MTMR10: variants seen among roughly 807,000 people sequenced by gnomAD.
MTMR10 encodes the protein myotubularin related protein 10.
Under a neutral mutation model 88.1 loss-of-function variants are expected in MTMR10, and 56 were observed. The observed-to-expected ratio is 0.64, with a 90% CI of 0.51 to 0.79. MTMR10 has a LOEUF of 0.79. Among genes scored for constraint, MTMR10 ranks in the 30% least tolerant of loss-of-function variants. The pLI is 0.00. For missense variants in MTMR10, 883 were observed against 924.7 expected (o/e 0.95, Z 0.58); for synonymous variants, 380 against 340.9 (o/e 1.11, Z -1.26).
chr15:30,938,061 G>A (rs901633262), downstream of MTMR10, among the ~76,000 whole-genome samples: 4 of 151,960 alleles, frequency 2.6e-5, no homozygotes, highest in Non-Finnish European at 5.9e-5. Context: ...GCACACGCCT[G>A]TGGTCCCAGC....
intron 2 of MTMR10, among the ~76,000 whole-genome samples, chr15:30,987,181 A>G (rs1298490581): frequency 6.6e-6 from 1 of 152,246 alleles, no homozygotes; most frequent in African/African-American, 2.4e-5. Context: ...TCTGGCATAA[A>G]ATAACACAGT....
chr15:30,941,154 TG>T lies in MTMR10; in HGVS notation c.*315del. On this transcript the variant is annotated 3_prime_UTR_variant, in exon 16 of 16. Transcript: ENST00000435680. ...TGCTGCCTGGGGCTGCTAATGTGACTGACTATCAGATAGCCTTCAGGAGGTG... is the reference window on the plus strand; with the variant it reads ...TGCTGCCTGGGGCTGCTAATGTGACTACTATCAGATAGCCTTCAGGAGGTG... The T allele has an allele frequency of 8.1e-7, 1 of 1,234,542 alleles. No homozygotes were observed. Among genetic ancestry groups the T allele is most frequent in the Admixed American group, 2.7e-5 (1 of 37,552 alleles). 76.5% of individuals were successfully genotyped at this position (1,234,542 alleles called of 1,614,324 possible). A position where few individuals can be genotyped will look rare whatever the true frequency, so the allele number is the denominator to read the frequency against.
At chr15:30,947,053 G>T in intron 14 of MTMR10, 77 bp downstream of exon 14, 1 of 1,458,104 alleles carries the variant, frequency 6.9e-7, no homozygotes, top group Non-Finnish European at 9.2e-7. Flanking sequence ...TAAATAGGCA[G>T]TGAATTATAC....
At chr15:30,942,535 T>C (rs1020700775) in intron 15 of MTMR10, 1 of 302,254 alleles carries the variant, frequency 3.3e-6, no homozygotes, top group Non-Finnish European at 6.1e-6. Context: ...ATGAATGTTA[T>C]TAGGACAAGA....
the MTMR10 span, chr15:30,930,793 C>T: frequency 1.6e-5 from 20 of 1,279,628 alleles, no homozygotes; most frequent in African/African-American, 1.0e-4. Flanking sequence ...GCTTTTGGGC[C>T]GAGGGCCTGG....
intron 6 of MTMR10, among the ~76,000 whole-genome samples, chr15:30,962,808 T>G (rs2955788): frequency 0.82 from 124,434 of 152,172 alleles, 51,094 homozygotes; most frequent in East Asian, 0.98. Flanking sequence ...AAAAGAGAAG[T>G]CCCCTAACTC....
intron 6 of MTMR10, among the ~76,000 whole-genome samples, chr15:30,963,079 T>G (rs1341126400): frequency 6.6e-6 from 1 of 152,186 alleles, no homozygotes; most frequent in Non-Finnish European, 1.5e-5. Flanking sequence ...CCCAAAAACG[T>G]AACTTCTAGC....
rs756834495 is a variant in MTMR10, at chr15:30,976,805, C to T, written c.258+14G>A. 8 of 1,608,384 alleles carry T rather than the reference C, an allele frequency of 5.0e-6. No homozygotes were observed. In the South Asian group the frequency reaches 8.9e-5, roughly 18 times the overall value. On this transcript the variant is annotated intron_variant, in intron 3 of 15. Transcript: ENST00000435680. ...AAGCCTGATAGAATGAAACAGTGTACTAATAAAACACACCTGTAATGGCAT... is the reference window on the plus strand; with the variant it reads ...AAGCCTGATAGAATGAAACAGTGTATTAATAAAACACACCTGTAATGGCAT...
Position 30,941,296 on chromosome 15 carries a change from C to T in MTMR10, c.*174G>A, listed in dbSNP as rs1566941647. On this transcript the variant is annotated 3_prime_UTR_variant, in exon 16 of 16. Transcript: ENST00000435680. The stretch of plus-strand genomic sequence containing the variant: ...GGACAGGAACAAAATTTACATCTCT[C>T]TTAAAATAAGTGTGAAAGAAGCATG... 6.6e-7 allele frequency: 1 copy of T among 1,515,942 alleles called. No individual in the cohort carries two copies. Among genetic ancestry groups the T allele is most frequent in the Non-Finnish European group, 8.8e-7 (1 of 1,134,856 alleles). The allele number at this position is 1,515,942 out of a possible 1,614,324, so 93.9% of individuals were successfully genotyped here.
At chr15:30,955,860 A>G (rs2141014564) in intron 9 of MTMR10, among the ~76,000 whole-genome samples, 1 of 152,270 alleles carries the variant, frequency 6.6e-6, no homozygotes, top group African/African-American at 2.4e-5. Flanking sequence ...CTCTATTCTT[A>G]GGAGAGAATG....
the MTMR10 span, chr15:30,928,506 TTG>T: frequency 0.031 from 43,968 of 1,432,572 alleles, 2 homozygotes; most frequent in Non-Finnish European, 0.033. Flanking sequence ...AAAACAGATT[TTG>T]TGTGTGTGTG....
At chr15:30,919,234 G>A in the MTMR10 span, among the ~76,000 whole-genome samples, 1 of 151,124 alleles carries the variant, frequency 6.6e-6, no homozygotes, top group East Asian at 2.0e-4. Flanking sequence ...TACAAAATTA[G>A]CCAGGCCTGG....
chr15:30,990,941 A>C, intron 1 of MTMR10, 104 bp from the exon 2 acceptor site: 2 of 884,524 alleles, frequency 2.3e-6, no homozygotes, highest in Non-Finnish European at 3.5e-6. Flanking sequence ...CGAAAGACAC[A>C]CAGCCCCCCA....
downstream of MTMR10, among the ~76,000 whole-genome samples, chr15:30,938,094 G>T (rs1273861575): frequency 2.0e-5 from 3 of 151,986 alleles, no homozygotes; most frequent in African/African-American, 7.2e-5. Context: ...TGAGGCAGGA[G>T]GATGGCGTGA....
intron 2 of MTMR10, among the ~76,000 whole-genome samples, chr15:30,978,117 T>C (rs2030294497): frequency 6.6e-6 from 1 of 152,206 alleles, no homozygotes; most frequent in Admixed American, 6.5e-5. Flanking sequence ...TGGAATATTC[T>C]TTTCTTCTAC....
the MTMR10 span, chr15:30,928,327 T>A: frequency 7.7e-7 from 1 of 1,299,334 alleles, no homozygotes; most frequent in Non-Finnish European, 9.7e-7. Context: ...AATTTTTCTA[T>A]GATTACTAAG....
At chr15:30,991,367 C>T in intron 1 of MTMR10, 80 bp downstream of exon 1, 1 of 1,339,364 alleles carries the variant, frequency 7.5e-7, no homozygotes, top group Non-Finnish European at 9.9e-7. Flanking sequence ...TCCTGGGGTC[C>T]TCCAGTTCCC....
At position 30,948,307 on chromosome 15, in the gene MTMR10, T is replaced by C. The variant is rs2063199573; in HGVS notation, c.1372A>G (p.Lys458Glu). The change falls in exon 13 of 16, where the codon AAA becomes GAA. Residue 458 changes from lysine to glutamate, a missense_variant. Coordinates refer to ENST00000435680, the MANE Select transcript of MTMR10 (RefSeq NM_017762.3). ...DRCNHLKRSEKESPLFLLFLD... is the reference protein window; with the variant it reads ...DRCNHLKRSEEESPLFLLFLD... ...AGGCATCAAGATTTTGTTACCTCTT[T>C]CTCTGATCTCTTTAGATGGTTGCAT... The C allele has an allele frequency of 6.2e-7, 1 of 1,610,596 alleles. No homozygotes were observed. The highest frequency in any genetic ancestry group is 1.7e-5 in the Admixed American group (1 of 58,920).
chr15:30,929,985 T>A, the MTMR10 span, among the ~76,000 whole-genome samples: 14 of 125,070 alleles, frequency 1.1e-4, no homozygotes, highest in African/African-American at 3.3e-4. Context: ...ATATAATATA[T>A]AAGATATCAT....
Sources: gnomAD v4.1 joint callset for allele counts (sites outside exome capture counted in the v4.1 genomes callset) on GRCh38, gnomAD v4.1.1 for gene constraint, MANE v1.5 for transcripts, NCBI Gene and HGNC (gene_info 2026-07-23, HGNC 2026-07-21) for gene names.